The following FOXK1 variants were observed in gnomAD, a reference collection of about 807,000 sequenced individuals.
The protein encoded by FOXK1 is forkhead box K1.
A neutral mutation model predicts 51.9 loss-of-function variants in FOXK1; 19 were observed. The ratio of observed to expected loss-of-function variants is 0.37; its 90% CI spans 0.26 to 0.54. The LOEUF is 0.54. FOXK1 is among the 20% of genes least tolerant of loss of function. The pLI, the probability that FOXK1 is intolerant of heterozygous loss-of-function variation, is 0.87. For synonymous variants in FOXK1, 537 were observed against 482.6 expected (o/e 1.11, Z -1.48); for missense variants, 870 against 1,032.7 (o/e 0.84, Z 2.16).
chr7:4,692,358 T>C (rs181412545), intron 1 of FOXK1, among the ~76,000 whole-genome samples: 1 of 152,218 alleles, frequency 6.6e-6, no homozygotes. Flanking sequence ...GGATGTTCCT[T>C]GAGACCTCAC....
chr7:4,745,565 A>G lies in FOXK1; in HGVS notation c.746+4542A>G, dbSNP rs547428439. The stretch of plus-strand genomic sequence containing the variant: ...AACTCTCTTTGAAATAAATTCTGCT[A>G]TCTTTAGCAGAAGTTTGACCTTTTC... On this transcript the variant is annotated intron_variant, in intron 2 of 8. Transcript: ENST00000328914. This position sits in a 1 kb window ranked among gnomAD's most constrained non-coding sequence, Gnocchi z 4.3. Among the ~76,000 whole-genome samples, 4 of 152,236 alleles carry G rather than the reference A, an allele frequency of 2.6e-5. No individual in the cohort carries two copies. In the East Asian group the frequency reaches 7.7e-4, roughly 29 times the overall value.
chr7:4,693,846 C>A (rs887087545), intron 1 of FOXK1, among the ~76,000 whole-genome samples: 1 of 152,024 alleles, frequency 6.6e-6, no homozygotes, highest in Non-Finnish European at 1.5e-5. Flanking sequence ...AGGTGTGAGC[C>A]ACCTCATCTG....
rs1780731921 is a variant in FOXK1, at chr7:4,748,295, T to C, written c.747-6164T>C. Among the ~76,000 whole-genome samples, 1 of 152,182 alleles carries C rather than the reference T, an allele frequency of 6.6e-6. No homozygotes were observed. The highest frequency in any genetic ancestry group is 2.4e-5 in the African/African-American group (1 of 41,444). Reference sequence around the variant, plus strand: ...TCTCTTGGTTTTTCCGTTTTAGATATTACACATGAGGTTCCTATATGGAAA... The same window carrying C: ...TCTCTTGGTTTTTCCGTTTTAGATACTACACATGAGGTTCCTATATGGAAA... On this transcript the variant is annotated intron_variant, in intron 2 of 8. Coordinates refer to ENST00000328914, the MANE Select transcript of FOXK1 (RefSeq NM_001037165.2). The surrounding 1 kb of genome is among the most constrained non-coding windows in gnomAD (Gnocchi z 4.9).
At chr7:4,706,063 T>TAC (rs1562373279) in intron 1 of FOXK1, among the ~76,000 whole-genome samples, 5 of 110,228 alleles carry the variant, frequency 4.5e-5, no homozygotes, top group African/African-American at 4.2e-4. Flanking sequence ...TGTATATATA[T>TAC]GTGTATATAT....
At chr7:4,691,249 CTTAAACATAACAGTTTCATCA>C (rs1348184948) in intron 1 of FOXK1, among the ~76,000 whole-genome samples, 5 of 152,184 alleles carry the variant, frequency 3.3e-5, no homozygotes, top group African/African-American at 1.2e-4. Context: ...TTTTGCTTTA[CTTAAACATAACAGTTTCATCA>C]TTAAATCATG....
chr7:4,760,527 A>C (rs1436005038), intron 7 of FOXK1, among the ~76,000 whole-genome samples: 1 of 152,186 alleles, frequency 6.6e-6, no homozygotes, highest in Non-Finnish European at 1.5e-5. Context: ...CTCAGACTAA[A>C]TTTGGGTTGG....
At chr7:4,746,483 A>G (rs1780703739) in intron 2 of FOXK1, among the ~76,000 whole-genome samples, 1 of 151,854 alleles carries the variant, frequency 6.6e-6, no homozygotes, top group African/African-American at 2.4e-5. Context: ...AGTTCCAGAC[A>G]AGCCTGGGCA....
In FOXK1 at chr7:4,682,475, C is replaced by CGCCACCGCCGCT. The variant is rs1271850828; in HGVS notation, c.171_182dup (p.Pro59_Pro62dup). 7.8e-5 allele frequency: 77 copies of CGCCACCGCCGCT among 989,618 alleles called. No individual in the cohort carries two copies. In the African/African-American group the frequency reaches 1.3e-3, roughly 16 times the overall value. The allele number at this position is 989,618 out of a possible 1,614,324, so 61.3% of individuals were successfully genotyped here. A position where few individuals can be genotyped will look rare whatever the true frequency, so the allele number is the denominator to read the frequency against. On this transcript the variant is annotated inframe_insertion, in exon 1 of 9. Transcript: ENST00000328914. This position sits in a 1 kb window ranked among gnomAD's most constrained non-coding sequence, Gnocchi z 7.6. ...CCTCCGCCCGGGCCGCCGCCGCCGC[C>CGCCACCGCCGCT]GCCACCGCCGCTGCCTCCGGGCGCG...
chr7:4,694,191 G>A (rs1779925809), intron 1 of FOXK1, among the ~76,000 whole-genome samples: 1 of 152,144 alleles, frequency 6.6e-6, no homozygotes, highest in African/African-American at 2.4e-5. Flanking sequence ...CAGCCAGAAT[G>A]TGTTTGTATG....
At chr7:4,737,844 C>T (rs1780575800) in intron 1 of FOXK1, among the ~76,000 whole-genome samples, 1 of 152,116 alleles carries the variant, frequency 6.6e-6, no homozygotes, top group African/African-American at 2.4e-5. Context: ...GATGCAAGGC[C>T]GGGTGTGGTG....
chr7:4,696,816 C>G (rs1779957620), intron 1 of FOXK1, among the ~76,000 whole-genome samples: 2 of 152,190 alleles, frequency 1.3e-5, no homozygotes. Context: ...GCCTGTAATC[C>G]TAACACTTTG....
rs1177774158 is a variant in FOXK1, at chr7:4,711,006, C to T, written c.560+28138C>T. Among the ~76,000 whole-genome samples, 1 of 152,196 alleles carries T rather than the reference C, an allele frequency of 6.6e-6. No individual in the cohort carries two copies. Among genetic ancestry groups the T allele is most frequent in the African/African-American group, 2.4e-5 (1 of 41,452 alleles). ...GTTCTGGGAAGCCCCATCACGGTGC[C>T]TGAGCTTCACGGAGTTGCAGAGCAG... On this transcript the variant is annotated intron_variant, in intron 1 of 8. Coordinates refer to ENST00000328914, the MANE Select transcript of FOXK1 (RefSeq NM_001037165.2). The surrounding 1 kb of genome is among the most constrained non-coding windows in gnomAD (Gnocchi z 6.3).
At chr7:4,688,337 A>G (rs1467813370) in intron 1 of FOXK1, among the ~76,000 whole-genome samples, 2 of 149,936 alleles carry the variant, frequency 1.3e-5, no homozygotes, top group East Asian at 3.9e-4. Context: ...ACTGTCCTCA[A>G]ATAATCAGTG....
intron 1 of FOXK1, among the ~76,000 whole-genome samples, chr7:4,698,312 G>GTGTATATATA (rs150885952): frequency 1.8e-4 from 27 of 147,106 alleles, no homozygotes; most frequent in African/African-American, 6.2e-4. Flanking sequence ...GTATGTGTGT[G>GTGTATATATA]TATATATATA....
chr7:4,734,246 C>T lies in FOXK1; in HGVS notation c.561-6592C>T, dbSNP rs1051537965. ...AAGCCGTAGGCCTCCCAGACAGAGC[C>T]TCTGAAGCTCCTGTTTTCTTTGTCC... On this transcript the variant is annotated intron_variant, in intron 1 of 8. Transcript: ENST00000328914. This position sits in a 1 kb window ranked among gnomAD's most constrained non-coding sequence, Gnocchi z 5.2. Among the ~76,000 whole-genome samples the T allele has an allele frequency of 1.3e-5, 2 of 152,228 alleles. 1 individual carries two copies. The highest frequency in any genetic ancestry group is 3.9e-4 in the East Asian group (2 of 5,194).
rs374959543 is a variant in FOXK1, at chr7:4,731,758, CAAAAAAA to C, written c.561-9067_561-9061del. 3.8e-4 allele frequency among the ~76,000 whole-genome samples: 26 copies of C among 68,670 alleles called. 1 individual carries two copies. The highest frequency in any genetic ancestry group is 9.5e-4 in the African/African-American group (20 of 21,036). 45.1% of individuals were successfully genotyped at this position (68,670 alleles called of 152,430 possible). A position where few individuals can be genotyped will look rare whatever the true frequency, so the allele number is the denominator to read the frequency against. ...TGGGCAACAAAGCGAAACTCTGCCTCAAAAAAAAAAAAAAAAAAAGAAAACAGAGAGG... is the reference window on the plus strand; with the variant it reads ...TGGGCAACAAAGCGAAACTCTGCCTCAAAAAAAAAAAAGAAAACAGAGAGG... On this transcript the variant is annotated intron_variant, in intron 1 of 8. Coordinates refer to ENST00000328914, the MANE Select transcript of FOXK1 (RefSeq NM_001037165.2). This position sits in a 1 kb window ranked among gnomAD's most constrained non-coding sequence, Gnocchi z 5.3.
chr7:4,712,303 C>T (rs547181421), intron 1 of FOXK1, among the ~76,000 whole-genome samples: 42 of 152,110 alleles, frequency 2.8e-4, no homozygotes, highest in African/African-American at 9.9e-4. Flanking sequence ...TCCATAAATG[C>T]GGCTGCTTTA....
rs1455262805 is a variant in FOXK1 at position 4,766,767 on chromosome 7, C to T, written c.*4303C>T. 6.6e-6 allele frequency: 1 copy of T among 152,218 alleles called. No homozygotes were observed. Among genetic ancestry groups the T allele is most frequent in the Non-Finnish European group, 1.5e-5 (1 of 68,056 alleles). 9.4% of individuals were successfully genotyped at this position (152,218 alleles called of 1,614,324 possible). On this transcript the variant is annotated 3_prime_UTR_variant, in exon 9 of 9. Coordinates refer to ENST00000328914, the MANE Select transcript of FOXK1 (RefSeq NM_001037165.2). This position sits in a 1 kb window ranked among gnomAD's most constrained non-coding sequence, Gnocchi z 5.5. ...TGTACTGGTTTGAGATCACAGGCAT[C>T]ATTCAGCGAATGCTCTTGTGTCCTC...
At chr7:4,696,115 CA>C (rs1192472036) in intron 1 of FOXK1, among the ~76,000 whole-genome samples, 21,030 of 80,088 alleles carry the variant, frequency 0.26, 2,465 homozygotes, top group African/African-American at 0.47. Flanking sequence ...GACTGTGTCT[CA>C]AAAAAAAAAA....
Sources: gnomAD v4.1 joint callset for allele counts (sites outside exome capture counted in the v4.1 genomes callset) on GRCh38, gnomAD v4.1.1 for gene constraint, Gnocchi (gnomAD v3.1) non-coding constraint, MANE v1.5 for transcripts, NCBI Gene and HGNC (gene_info 2026-07-23, HGNC 2026-07-21) for gene names.